Variants in LRBA observed in about 807,000 individuals in gnomAD.
The protein encoded by LRBA is lipopolysaccharide-responsive and beige-like anchor protein.
A neutral mutation model predicts 330.0 loss-of-function variants in LRBA; 176 were observed. That is an observed-to-expected ratio of 0.53 (90% CI 0.47 to 0.60). LRBA has a LOEUF of 0.60. Among genes scored for constraint, LRBA ranks in the 20% least tolerant of loss-of-function variants. LRBA has a pLI of 0.00. For synonymous variants in LRBA, 1,230 were observed against 1,193.0 expected (o/e 1.03, Z -0.64); for missense variants, 3,259 against 3,444.8 (o/e 0.95, Z 1.35).
intron 36 of LRBA, among the ~76,000 whole-genome samples, chr4:150,728,059 C>T (rs1467591873): frequency 2.0e-5 from 3 of 152,046 alleles, no homozygotes; most frequent in African/African-American, 7.2e-5. Flanking sequence ...TTCAAAGGAT[C>T]ATTAGTGGCT....
intron 29 of LRBA, among the ~76,000 whole-genome samples, chr4:150,828,972 T>C (rs1227544495): frequency 6.6e-6 from 1 of 150,680 alleles, no homozygotes; most frequent in Non-Finnish European, 1.5e-5. Context: ...TGTCAGTCTG[T>C]TGCCCAGGCT....
intron 26 of LRBA, 143 bp downstream of exon 26, chr4:150,848,675 T>C (rs952257860): frequency 1.6e-6 from 1 of 618,924 alleles, no homozygotes; most frequent in South Asian, 2.5e-5. Context: ...CAACTACTAC[T>C]ATGTACATTA....
At chr4:150,984,404 G>A (rs1275156261) in intron 2 of LRBA, among the ~76,000 whole-genome samples, 3 of 152,104 alleles carry the variant, frequency 2.0e-5, no homozygotes, top group African/African-American at 7.2e-5. Context: ...AGCTACTCTG[G>A]AGGCTGAGAC....
At chr4:150,581,448 C>A in intron 40 of LRBA, 1 of 347,910 alleles carries the variant, frequency 2.9e-6, no homozygotes, top group South Asian at 2.3e-5. Context: ...AAATTAGGTC[C>A]TTTCCCAGAT....
In LRBA at chr4:150,489,725, A is replaced by T. The variant is rs548984873; in HGVS notation, c.6448+1193T>A. ...TTATATATTATATATAAGAATATAT[A>T]ATATATAATAATTATACATAGGAAT... is the stretch of plus-strand genomic sequence containing the variant. On this transcript the variant is annotated intron_variant, in intron 41 of 56. Coordinates refer to ENST00000651943, the MANE Select transcript of LRBA (RefSeq NM_001364905.1). Among the ~76,000 whole-genome samples, 262 of 133,056 alleles carry T rather than the reference A, an allele frequency of 2.0e-3. 5 individuals are homozygous for T. Among genetic ancestry groups the T allele is most frequent in the African/African-American group, 6.5e-3 (236 of 36,080 alleles). 87.3% of individuals were successfully genotyped at this position (133,056 alleles called of 152,430 possible).
chr4:150,700,161 A>G (rs1048739505), intron 36 of LRBA, among the ~76,000 whole-genome samples: 6 of 152,164 alleles, frequency 3.9e-5, no homozygotes, highest in African/African-American at 1.4e-4. Context: ...TTTATCTTTC[A>G]TATTTATTGA....
intron 37 of LRBA, among the ~76,000 whole-genome samples, chr4:150,617,657 G>C (rs1202079752): frequency 6.6e-6 from 1 of 152,012 alleles, no homozygotes; most frequent in Non-Finnish European, 1.5e-5. Flanking sequence ...AAAAAAAATG[G>C]CTCTATCAAT....
At chr4:150,608,361 G>A (rs1774887428) in intron 37 of LRBA, among the ~76,000 whole-genome samples, 1 of 152,098 alleles carries the variant, frequency 6.6e-6, no homozygotes, top group African/African-American at 2.4e-5. Flanking sequence ...GGAGAAAGAT[G>A]GGGATGAATA....
At chr4:150,424,124 A>G (rs1415615113) in intron 46 of LRBA, among the ~76,000 whole-genome samples, 1 of 152,228 alleles carries the variant, frequency 6.6e-6, no homozygotes, top group Non-Finnish European at 1.5e-5. Flanking sequence ...AAAGTATGAC[A>G]AGCATTTCTA....
chr4:150,828,707 C>G (rs1446997028), intron 29 of LRBA, 86 bp from the exon 30 acceptor site: 4 of 1,157,178 alleles, frequency 3.5e-6, no homozygotes, highest in Middle Eastern at 2.9e-4. Flanking sequence ...TAATAGCTAT[C>G]TACTGTTTTG....
At chr4:150,344,223 T>TG (rs1157619907) in intron 48 of LRBA, among the ~76,000 whole-genome samples, 2 of 152,220 alleles carry the variant, frequency 1.3e-5, no homozygotes, top group African/African-American at 4.8e-5. Context: ...GTGACAAAAA[T>TG]GCTCTTAAAT....
intron 37 of LRBA, among the ~76,000 whole-genome samples, chr4:150,612,331 T>C (rs1409359452): frequency 1.3e-5 from 2 of 152,178 alleles, no homozygotes; most frequent in African/African-American, 2.4e-5. Flanking sequence ...AGGAAAATAC[T>C]GAGAGTAAAT....
intron 31 of LRBA, among the ~76,000 whole-genome samples, chr4:150,815,748 C>A (rs1446416491): frequency 6.6e-6 from 1 of 151,624 alleles, no homozygotes; most frequent in Non-Finnish European, 1.5e-5. Context: ...TGCCAGTAGC[C>A]CAACTTCATG....
intron 17 of LRBA, among the ~76,000 whole-genome samples, chr4:150,881,075 G>A (rs1378416660): frequency 6.6e-6 from 1 of 152,156 alleles, no homozygotes; most frequent in Non-Finnish European, 1.5e-5. Context: ...AGGTTGGTGG[G>A]AATGTAAGTT....
chr4:150,583,967 G>C lies in LRBA; in HGVS notation c.6330+4081C>G. 1 of 1,614,064 alleles carries C rather than the reference G, an allele frequency of 6.2e-7. No homozygotes were observed. On this transcript the variant is annotated intron_variant, in intron 40 of 56. Coordinates refer to ENST00000651943, the MANE Select transcript of LRBA (RefSeq NM_001364905.1). The surrounding 1 kb of genome is among the most constrained non-coding windows in gnomAD (Gnocchi z 9.8). ...CTGCAGCTCATCTCCTGCCTGCAGT[G>C]CCGCCGCTGCCCTCACTACTTTCTG...
At chr4:150,953,277 G>A (rs1201787953) in intron 2 of LRBA, among the ~76,000 whole-genome samples, 1 of 151,846 alleles carries the variant, frequency 6.6e-6, no homozygotes, top group South Asian at 2.1e-4. Flanking sequence ...ACATCTATAG[G>A]ATATTTATTC....
chr4:150,850,621 T>A (rs1750504236), intron 24 of LRBA, 103 bp downstream of exon 24: 1 of 664,310 alleles, frequency 1.5e-6, no homozygotes, highest in East Asian at 3.0e-5. Context: ...TATTCTACTT[T>A]TTAACCAAAT....
intron 2 of LRBA, among the ~76,000 whole-genome samples, chr4:150,990,731 A>AT (rs1473579201): frequency 6.6e-6 from 1 of 152,120 alleles, no homozygotes; most frequent in Non-Finnish European, 1.5e-5. Context: ...GCAAGACCCT[A>AT]TCACATGGCC....
intron 2 of LRBA, among the ~76,000 whole-genome samples, chr4:150,963,386 C>T (rs1249786452): frequency 6.7e-6 from 1 of 149,688 alleles, no homozygotes; most frequent in East Asian, 1.9e-4. Flanking sequence ...GGGGTTTCGC[C>T]CTGTTGGCCG....
Sources: gnomAD v4.1 joint callset for allele counts (sites outside exome capture counted in the v4.1 genomes callset) on GRCh38, gnomAD v4.1.1 for gene constraint, Gnocchi (gnomAD v3.1) non-coding constraint, MANE v1.5 for transcripts, NCBI Gene and HGNC (gene_info 2026-07-23, HGNC 2026-07-21) for gene names.